Variants in ELMO1 observed in about 807,000 individuals in gnomAD.
ELMO1 encodes the protein engulfment and cell motility protein 1.
ELMO1 carries 26 observed loss-of-function variants against 98.9 expected under a neutral mutation model. That is an observed-to-expected ratio of 0.26 (90% CI 0.19 to 0.36). The LOEUF (loss-of-function observed/expected upper bound fraction) is 0.36, where lower values mean the gene tolerates loss of function less well. Ranked by LOEUF, ELMO1 falls within the 10% of genes least tolerant of loss-of-function variation. ELMO1 has a pLI of 1.00. For missense variants in ELMO1, 627 were observed against 935.2 expected (o/e 0.67, Z 4.30); for synonymous variants, 346 against 346.0 (o/e 1.00, Z 0.00).
intron 16 of ELMO1, among the ~76,000 whole-genome samples, chr7:36,992,633 T>A (rs937360229): frequency 1.3e-5 from 2 of 152,178 alleles, no homozygotes; most frequent in African/African-American, 2.4e-5. Context: ...AGAAACAGCT[T>A]CTTCACCATC....
chr7:36,889,733 C>T (rs1052778057), intron 17 of ELMO1, among the ~76,000 whole-genome samples: 1 of 152,182 alleles, frequency 6.6e-6, no homozygotes, highest in African/African-American at 2.4e-5. Flanking sequence ...AGGTGCCTGT[C>T]ACAACGCATT....
chr7:37,317,696 G>T (rs1321817102), intron 2 of ELMO1, among the ~76,000 whole-genome samples: 1 of 152,154 alleles, frequency 6.6e-6, no homozygotes, highest in African/African-American at 2.4e-5. Flanking sequence ...CAGGGTTTGT[G>T]GGAGAGGTGG....
At chr7:37,097,446 C>T (rs376507738) in intron 14 of ELMO1, among the ~76,000 whole-genome samples, 2 of 151,946 alleles carry the variant, frequency 1.3e-5, no homozygotes, top group Admixed American at 6.6e-5. Context: ...TATCTGGGTG[C>T]GGTGGCAGGT....
At chr7:37,208,270 A>C (rs2130390948) in intron 13 of ELMO1, among the ~76,000 whole-genome samples, 1 of 152,328 alleles carries the variant, frequency 6.6e-6, no homozygotes, top group East Asian at 1.9e-4. Context: ...CCAGTTTCAC[A>C]GCTGAGAAAA....
chr7:37,035,135 C>T (rs1795107864), intron 15 of ELMO1, among the ~76,000 whole-genome samples: 1 of 152,186 alleles, frequency 6.6e-6, no homozygotes, highest in Non-Finnish European at 1.5e-5. Context: ...TCATTAAAAA[C>T]CTGTTCAGGC....
chr7:37,370,726 C>T (rs1330153699), intron 1 of ELMO1, among the ~76,000 whole-genome samples: 1 of 152,124 alleles, frequency 6.6e-6, no homozygotes, highest in East Asian at 1.9e-4. Flanking sequence ...CCATTTTACA[C>T]CCAAAAGGCT....
chr7:36,971,460 G>A (rs1789943555), intron 16 of ELMO1, among the ~76,000 whole-genome samples: 1 of 152,174 alleles, frequency 6.6e-6, no homozygotes, highest in Admixed American at 6.5e-5. Context: ...TTTAAATGGG[G>A]GAACAGGAGG....
At chr7:36,894,210 GA>G (rs1175873222) in intron 17 of ELMO1, among the ~76,000 whole-genome samples, 1 of 152,206 alleles carries the variant, frequency 6.6e-6, no homozygotes, top group Non-Finnish European at 1.5e-5. Flanking sequence ...TGTGAGTTCA[GA>G]ACACTTCAAA....
chr7:37,182,456 G>GCCCT lies in ELMO1; in HGVS notation c.1086+28929_1086+28930insAGGG, dbSNP rs1554436405. 2.7e-4 allele frequency among the ~76,000 whole-genome samples: 6 copies of GCCCT among 22,396 alleles called. 3 individuals are homozygous for GCCCT. Among genetic ancestry groups the GCCCT allele is most frequent in the East Asian group, 2.5e-3 (2 of 816 alleles). 14.7% of individuals were successfully genotyped at this position (22,396 alleles called of 152,430 possible). On this transcript the variant is annotated intron_variant, in intron 13 of 21. Coordinates refer to ENST00000310758, the MANE Select transcript of ELMO1 (RefSeq NM_014800.11). ...ATAGGAAGATCATGAGTGCTCTTGT[G>GCCCT]CTCTACTTTTTTTTTTTTTTTTTTT...
At chr7:37,414,251 A>G (rs901259656) in intron 1 of ELMO1, among the ~76,000 whole-genome samples, 1 of 152,190 alleles carries the variant, frequency 6.6e-6, no homozygotes, top group Non-Finnish European at 1.5e-5. Context: ...TGGGATTGGT[A>G]ATGGGAAATT....
At chr7:37,402,997 A>G (rs1199170404) in intron 1 of ELMO1, among the ~76,000 whole-genome samples, 1 of 152,184 alleles carries the variant, frequency 6.6e-6, no homozygotes, top group Non-Finnish European at 1.5e-5. Context: ...CCTGCACTCA[A>G]ATGTTTAGAG....
intron 2 of ELMO1, among the ~76,000 whole-genome samples, chr7:37,330,416 A>G (rs1017420575): frequency 2.6e-5 from 4 of 151,868 alleles, no homozygotes; most frequent in Non-Finnish European, 4.4e-5. Context: ...TTATTGTTTT[A>G]TCTTTCTGCT....
At chr7:37,071,960 G>C (rs1469019460) in intron 15 of ELMO1, among the ~76,000 whole-genome samples, 2 of 152,148 alleles carry the variant, frequency 1.3e-5, no homozygotes, top group East Asian at 3.9e-4. Context: ...AAAGGTTCAG[G>C]AGAGCTCTTC....
At chr7:36,993,076 C>G (rs917069643) in intron 16 of ELMO1, among the ~76,000 whole-genome samples, 7 of 152,128 alleles carry the variant, frequency 4.6e-5, no homozygotes, top group Non-Finnish European at 1.0e-4. Context: ...TCAGCTTACC[C>G]TGGCAAGCAA....
intron 1 of ELMO1, among the ~76,000 whole-genome samples, chr7:37,390,075 G>A (rs947235905): frequency 1.3e-5 from 2 of 151,948 alleles, no homozygotes; most frequent in Admixed American, 1.3e-4. Context: ...AACAAGAAAT[G>A]TCTGTGTATA....
chr7:37,427,016 C>T (rs1169759297), intron 1 of ELMO1, among the ~76,000 whole-genome samples: 4 of 151,460 alleles, frequency 2.6e-5, no homozygotes, highest in Non-Finnish European at 4.4e-5. Flanking sequence ...CGTCTTTTTT[C>T]CCGAAAAAAA....
chr7:37,025,908 T>TCTATCTAC (rs1272648528), intron 15 of ELMO1, among the ~76,000 whole-genome samples: 2 of 148,812 alleles, frequency 1.3e-5, no homozygotes, highest in Non-Finnish European at 3.0e-5. Context: ...TATCTATCTA[T>TCTATCTAC]CTATCTATCT....
At chr7:36,993,107 G>A (rs1791980459) in intron 16 of ELMO1, among the ~76,000 whole-genome samples, 2 of 152,176 alleles carry the variant, frequency 1.3e-5, no homozygotes, top group East Asian at 1.9e-4. Context: ...GAAGAAACTA[G>A]AGATGAAGGC....
chr7:37,296,405 T>C (rs1264194165), intron 4 of ELMO1, among the ~76,000 whole-genome samples: 3 of 152,242 alleles, frequency 2.0e-5, no homozygotes, highest in African/African-American at 7.2e-5. Flanking sequence ...ATCTCGTTAA[T>C]GCTTCACCTT....
Sources: gnomAD v4.1 joint callset for allele counts (sites outside exome capture counted in the v4.1 genomes callset) on GRCh38, gnomAD v4.1.1 for gene constraint, MANE v1.5 for transcripts, NCBI Gene and HGNC (gene_info 2026-07-23, HGNC 2026-07-21) for gene names.